Variants in AQP3 observed in about 807,000 individuals in gnomAD.
The protein encoded by AQP3 is aquaporin-3.
AQP3 carries 15 observed loss-of-function variants against 30.3 expected under a neutral mutation model. That is an observed-to-expected ratio of 0.49 (90% CI 0.33 to 0.76). AQP3 has a LOEUF of 0.76. Ranked by LOEUF, AQP3 falls within the 30% of genes least tolerant of loss-of-function variation. The pLI is 0.02. For missense variants in AQP3, 272 were observed against 384.8 expected (o/e 0.71, Z 2.45); for synonymous variants, 153 against 163.2 (o/e 0.94, Z 0.47).
chr9:33,445,971 T>C (rs1826907938), intron 1 of AQP3, among the ~76,000 whole-genome samples: 1 of 152,186 alleles, frequency 6.6e-6, no homozygotes. Context: ...ACTCTTCTTT[T>C]GTGGTCTGGG....
In AQP3 at chr9:33,443,293, G is replaced by A. The variant is rs372865731; in HGVS notation, c.373+28C>T. 3.2e-6 allele frequency: 5 copies of A among 1,567,944 alleles called. No homozygotes were observed. The African/African-American group carries it at 5.4e-5, about 17-fold the overall frequency. On this transcript the variant is annotated intron_variant, in intron 3 of 5. Transcript: ENST00000297991. This position sits in a 1 kb window ranked among gnomAD's most constrained non-coding sequence, Gnocchi z 5.0. ...TCCTGAACAGAGGGACGGGGGTAGT[G>A]GAGGAGGACAGGGTGGGGAATGCTT...
rs1826850605 is a variant in AQP3, at chr9:33,442,422, G to A, written c.589C>T (p.Leu197=). ...GAGGTGCCAATGACCAGGACCACCA[G>A]GCCCACGGTGAAGGCCTCCAGGCCT... ...PRGLEAFTVG[L]VVLVIGTSMG... is the part of the protein sequence containing the mutation. Residue 197 remains leucine (L), a synonymous_variant, in exon 5 of 6, where the codon CTG becomes TTG. Transcript: ENST00000297991. 1.2e-6 allele frequency: 2 copies of A among 1,611,950 alleles called. No homozygotes were observed. Among genetic ancestry groups the A allele is most frequent in the Non-Finnish European group, 1.7e-6 (2 of 1,179,406 alleles).
Position 33,442,522 on chromosome 9 carries a change from G to T in AQP3, c.493-4C>A. ...TAAGGGAGGCTGTGCCTATGAACTG[G>T]GGAGTGGGGAGAACAGGGTGAGCTG... On this transcript the variant is annotated splice_region_variant and splice_polypyrimidine_tract_variant and intron_variant, in intron 4 of 5. Transcript: ENST00000297991. 6.2e-7 allele frequency: 1 copy of T among 1,600,442 alleles called. No individual in the cohort carries two copies.
chr9:33,443,781 C>A lies in AQP3; in HGVS notation c.220G>T (p.Ala74Ser), dbSNP rs1385987539. ...AAGGCCTTACCAGAGACCTGGCCAG[C>A]GATGAGGATGCCCAGAGTGACAGCA... ...GFAVTLGILIAGQVSGAHLNP... is the reference protein window; with the variant it reads ...GFAVTLGILISGQVSGAHLNP... The change falls in exon 2 of 6, where the codon GCT becomes TCT. Residue 74 changes from alanine (A) to serine (S), a missense_variant. Transcript: ENST00000297991. The surrounding 1 kb of genome is among the most constrained non-coding windows in gnomAD (Gnocchi z 5.0). 2.5e-6 allele frequency: 4 copies of A among 1,613,800 alleles called. No individual in the cohort carries two copies. Among genetic ancestry groups the A allele is most frequent in the Non-Finnish European group, 3.4e-6 (4 of 1,179,972 alleles).
intron 1 of AQP3, 74 bp downstream of exon 1, chr9:33,447,349 C>T: frequency 1.5e-6 from 2 of 1,331,094 alleles, no homozygotes; most frequent in Non-Finnish European, 2.1e-6. Flanking sequence ...AAAACACAGC[C>T]CCTTCGGGGA....
In AQP3 at chr9:33,443,952, A is replaced by C; in HGVS notation, c.109-60T>G. 8 of 1,589,122 alleles carry C rather than the reference A, an allele frequency of 5.0e-6. No homozygotes were observed. The highest frequency in any genetic ancestry group is 6.9e-6 in the Non-Finnish European group (8 of 1,165,102). On this transcript the variant is annotated intron_variant, in intron 1 of 5. Transcript: ENST00000297991. This position sits in a 1 kb window ranked among gnomAD's most constrained non-coding sequence, Gnocchi z 5.0. Reference sequence around the variant, plus strand: ...ACCAGCAACTCTCACTCCAGAAGGAAGGGGTGAAGCCAGCAACATGCCCAC... The same window carrying C: ...ACCAGCAACTCTCACTCCAGAAGGACGGGGTGAAGCCAGCAACATGCCCAC...
chr9:33,444,148 T>C (rs1381198397), intron 1 of AQP3, among the ~76,000 whole-genome samples: 1 of 152,234 alleles, frequency 6.6e-6, no homozygotes, highest in Non-Finnish European at 1.5e-5. Context: ...ACTGGGATCC[T>C]AGAAGATGAC....
rs556417286 is a variant in AQP3, at chr9:33,446,920, C to G, written c.108+503G>C. ...CCATGTGGCCTGCACCCTCTGCCCC[C>G]ACTCGTGCAAACTGTCCTCACTCAC... On this transcript the variant is annotated intron_variant, in intron 1 of 5. Transcript: ENST00000297991. Among the ~76,000 whole-genome samples, 5 of 152,332 alleles carry G rather than the reference C, an allele frequency of 3.3e-5. No homozygotes were observed. In the South Asian group the frequency reaches 6.2e-4, roughly 19 times the overall value.
Position 33,447,535 on chromosome 9 carries a change from G to C in AQP3, c.-5C>G. 6.3e-7 allele frequency: 1 copy of C among 1,593,950 alleles called. No individual in the cohort carries two copies. On this transcript the variant is annotated 5_prime_UTR_variant, in exon 1 of 6. Coordinates refer to ENST00000297991, the MANE Select transcript of AQP3 (RefSeq NM_004925.5). ...CAGCTCCTTCTGTCGACCCATGGCG[G>C]GGCAGGCGGCGGCGCTGTCGGGCGG...
chr9:33,443,616 G>T lies in AQP3; in HGVS notation c.235+150C>A, dbSNP rs990801361. The T allele has an allele frequency of 6.9e-5, 101 of 1,470,916 alleles. No individual in the cohort carries two copies. The African/African-American group carries it at 1.1e-3, about 16-fold the overall frequency. The allele number at this position is 1,470,916 out of a possible 1,614,324, so 91.1% of individuals were successfully genotyped here. On this transcript the variant is annotated intron_variant, in intron 2 of 5. Coordinates refer to ENST00000297991, the MANE Select transcript of AQP3 (RefSeq NM_004925.5). The surrounding 1 kb of genome is among the most constrained non-coding windows in gnomAD (Gnocchi z 5.0). Reference sequence around the variant, plus strand: ...AATCTCTGATTCCAAGGTGAGAGTCGAAAGTTCTAAGTGTCAAGTTTCTTC... The same window carrying T: ...AATCTCTGATTCCAAGGTGAGAGTCTAAAGTTCTAAGTGTCAAGTTTCTTC...
At position 33,443,844 on chromosome 9, in the gene AQP3, G is replaced by C; in HGVS notation, c.157C>G (p.His53Asp). The change falls in exon 2 of 6, where the codon CAC becomes GAC. Residue 53 changes from histidine to aspartate, a missense_variant. Physicochemically the swap from His to Asp is moderately conservative, Grantham distance 81. Coordinates refer to ENST00000297991, the MANE Select transcript of AQP3 (RefSeq NM_004925.5). This position sits in a 1 kb window ranked among gnomAD's most constrained non-coding sequence, Gnocchi z 5.0. ...VAQVVLSRGT[H>D]GGFLTINLAF... ...AGGTTGATGGTGAGGAAACCACCGT[G>C]GGTGCCCCGGCTGAGCACAACCTGG... 1 of 1,613,962 alleles carries C rather than the reference G, an allele frequency of 6.2e-7. No individual in the cohort carries two copies. Among genetic ancestry groups the C allele is most frequent in the Non-Finnish European group, 8.5e-7 (1 of 1,179,966 alleles).
Position 33,443,462 on chromosome 9 carries a change from G to A in AQP3, c.236-4C>T, listed in dbSNP as rs770031111. 1.1e-5 allele frequency: 17 copies of A among 1,611,666 alleles called. No homozygotes were observed. In the Admixed American group the frequency reaches 1.7e-4, roughly 16 times the overall value. On this transcript the variant is annotated splice_region_variant and splice_polypyrimidine_tract_variant and intron_variant, in intron 2 of 5. Coordinates refer to ENST00000297991, the MANE Select transcript of AQP3 (RefSeq NM_004925.5). This position sits in a 1 kb window ranked among gnomAD's most constrained non-coding sequence, Gnocchi z 5.0. The stretch of plus-strand genomic sequence containing the variant: ...ACGGCAGGGTTCAGGTGGGCCCCTG[G>A]GCAGAGGGGACAAGGGACCTATTAG...
rs1826869202 is a variant in AQP3 at position 33,443,381 on chromosome 9, T to A, written c.313A>T (p.Thr105Ser). The A allele has an allele frequency of 6.2e-7, 1 of 1,602,018 alleles. No homozygotes were observed. Among genetic ancestry groups the A allele is most frequent in the African/African-American group, 1.3e-5 (1 of 74,588 alleles). The change falls in exon 3 of 6, where the codon ACC (threonine) becomes TCC (serine). Residue 105 changes from threonine to serine, a missense_variant. Thr to Ser is a moderately conservative substitution (Grantham distance 58, BLOSUM62 1). Transcript: ENST00000297991. This position sits in a 1 kb window ranked among gnomAD's most constrained non-coding sequence, Gnocchi z 5.0. ...REPWIKLPIY[T>S]LAQTLGAFLG... ...AAGGCTCCCAGCGTCTGTGCCAGGG[T>A]GTAGATGGGCAGCTTGATCCAGGGC...
Position 33,443,033 on chromosome 9 carries a change from G to A in AQP3, c.374-63C>T. On this transcript the variant is annotated intron_variant, in intron 3 of 5. Coordinates refer to ENST00000297991, the MANE Select transcript of AQP3 (RefSeq NM_004925.5). This position sits in a 1 kb window ranked among gnomAD's most constrained non-coding sequence, Gnocchi z 5.0. Reference sequence around the variant, plus strand: ...GGCCTGAGCCCAGACTTCCCTCTCAGGTGTGCCCTCCCCACCCTCCCATGA... The same window carrying A: ...GGCCTGAGCCCAGACTTCCCTCTCAAGTGTGCCCTCCCCACCCTCCCATGA... The A allele has an allele frequency of 2.0e-6, 3 of 1,478,564 alleles. No homozygotes were observed. The highest frequency in any genetic ancestry group is 1.9e-6 in the Non-Finnish European group (2 of 1,057,964). The allele number at this position is 1,478,564 out of a possible 1,614,324, so 91.6% of individuals were successfully genotyped here.
chr9:33,445,731 C>T (rs1445800114), intron 1 of AQP3, among the ~76,000 whole-genome samples: 1 of 152,150 alleles, frequency 6.6e-6, no homozygotes, highest in Non-Finnish European at 1.5e-5. Context: ...CCCCTGCCCT[C>T]ACACCAGGTA....
rs1470499005 is a variant in AQP3, at chr9:33,443,469, G to C, written c.236-11C>G. 4 of 1,611,136 alleles carry C rather than the reference G, an allele frequency of 2.5e-6. No homozygotes were observed. The highest frequency in any genetic ancestry group is 3.4e-6 in the Non-Finnish European group (4 of 1,178,924). ...GGTTCAGGTGGGCCCCTGGGCAGAG[G>C]GGACAAGGGACCTATTAGCTGCAGC... On this transcript the variant is annotated splice_polypyrimidine_tract_variant and intron_variant, in intron 2 of 5. Transcript: ENST00000297991. This position sits in a 1 kb window ranked among gnomAD's most constrained non-coding sequence, Gnocchi z 5.0.
chr9:33,443,562 C>A lies in AQP3; in HGVS notation c.236-104G>T. ...GAGAGGGGTTTCTTGCACAGGATGGCGGTTGGTCTATGTAACAGGTCAGCT... is the reference window on the plus strand; with the variant it reads ...GAGAGGGGTTTCTTGCACAGGATGGAGGTTGGTCTATGTAACAGGTCAGCT... On this transcript the variant is annotated intron_variant, in intron 2 of 5. Coordinates refer to ENST00000297991, the MANE Select transcript of AQP3 (RefSeq NM_004925.5). This position sits in a 1 kb window ranked among gnomAD's most constrained non-coding sequence, Gnocchi z 5.0. 6.7e-7 allele frequency: 1 copy of A among 1,497,792 alleles called. No homozygotes were observed. Among genetic ancestry groups the A allele is most frequent in the Non-Finnish European group, 9.1e-7 (1 of 1,101,150 alleles). The allele number at this position is 1,497,792 out of a possible 1,614,324, so 92.8% of individuals were successfully genotyped here.
chr9:33,443,307 T>G lies in AQP3; in HGVS notation c.373+14A>C, dbSNP rs1587198716. Reference sequence around the variant, plus strand: ...ACGGGGGTAGTGGAGGAGGACAGGGTGGGGAATGCTTACCATAATACAGCC... The same window carrying G: ...ACGGGGGTAGTGGAGGAGGACAGGGGGGGGAATGCTTACCATAATACAGCC... On this transcript the variant is annotated intron_variant, in intron 3 of 5. Coordinates refer to ENST00000297991, the MANE Select transcript of AQP3 (RefSeq NM_004925.5). This position sits in a 1 kb window ranked among gnomAD's most constrained non-coding sequence, Gnocchi z 5.0. 6.4e-7 allele frequency: 1 copy of G among 1,571,902 alleles called. No homozygotes were observed. Among genetic ancestry groups the G allele is most frequent in the Non-Finnish European group, 8.6e-7 (1 of 1,158,458 alleles).
Position 33,443,971 on chromosome 9 carries a change from T to C in AQP3, c.109-79A>G. 2 of 1,544,004 alleles carry C rather than the reference T, an allele frequency of 1.3e-6. No individual in the cohort carries two copies. Among genetic ancestry groups the C allele is most frequent in the Admixed American group, 1.7e-5 (1 of 57,170 alleles). On this transcript the variant is annotated intron_variant, in intron 1 of 5. Transcript: ENST00000297991. The surrounding 1 kb of genome is among the most constrained non-coding windows in gnomAD (Gnocchi z 5.0). ...GAAGGAAGGGGTGAAGCCAGCAACA[T>C]GCCCACTCGCCACCACTGGGAGGAC...
Sources: gnomAD v4.1 joint callset for allele counts (sites outside exome capture counted in the v4.1 genomes callset) on GRCh38, gnomAD v4.1.1 for gene constraint, Gnocchi (gnomAD v3.1) non-coding constraint, MANE v1.5 for transcripts, NCBI Gene and HGNC (gene_info 2026-07-23, HGNC 2026-07-21) for gene names.